RLIM: variants seen among roughly 807,000 people sequenced by gnomAD.
RLIM encodes the protein E3 ubiquitin-protein ligase RLIM.
RLIM carries 2 observed loss-of-function variants against 34.0 expected under a neutral mutation model. That is an observed-to-expected ratio of 0.06 (90% CI 0.02 to 0.19). The LOEUF is 0.19. Among genes scored for constraint, RLIM ranks in the 10% least tolerant of loss-of-function variants. The pLI is 1.00. For synonymous variants in RLIM, 169 were observed against 164.0 expected (o/e 1.03, Z -0.23); for missense variants, 286 against 479.7 (o/e 0.60, Z 3.77).
At chrX:74,605,327 T>A (rs2079678074) in intron 1 of RLIM, among the ~76,000 whole-genome samples, 3 of 112,435 alleles carry the variant, frequency 2.7e-5, no homozygotes, top group Non-Finnish European at 5.6e-5. Flanking sequence ...AATCTGCCAC[T>A]ATTGTTTACT....
At chrX:74,596,539 A>G (rs933723974) in intron 1 of RLIM, among the ~76,000 whole-genome samples, 2 of 111,845 alleles carry the variant, frequency 1.8e-5, no homozygotes, top group African/African-American at 6.5e-5. Context: ...GAGCCACCGC[A>G]CCCAGCCTCG....
intron 1 of RLIM, among the ~76,000 whole-genome samples, chrX:74,602,604 G>A (rs775741001): frequency 2.5e-3 from 277 of 111,680 alleles, no homozygotes; most frequent in South Asian, 0.013. Context: ...GGGCGTGGTG[G>A]CGCATGCCTG....
At position 74,592,439 on chromosome X, in the gene RLIM, T is replaced by C. The variant is rs2079620176; in HGVS notation, c.876A>G (p.Arg292=). 8.3e-7 allele frequency: 1 copy of C among 1,210,285 alleles called. No homozygotes were observed. Among genetic ancestry groups the C allele is most frequent in the African/African-American group, 1.7e-5 (1 of 57,222 alleles). ...SRGLFAASGT[R]NASQGAGSSD... is the part of the protein sequence containing the mutation. The stretch of plus-strand genomic sequence containing the variant: ...AAGAACCTGCTCCTTGAGAAGCATT[T>C]CTTGTTCCAGAAGCTGCAAAAAGAC... Residue 292 remains arginine (R), a synonymous_variant, in exon 4 of 4, where the codon AGA becomes AGG. Coordinates refer to ENST00000332687, the MANE Select transcript of RLIM (RefSeq NM_016120.4).
At chrX:74,596,883 A>G (rs933670270) in intron 1 of RLIM, among the ~76,000 whole-genome samples, 1 of 111,769 alleles carries the variant, frequency 8.9e-6, no homozygotes, top group African/African-American at 3.3e-5. Context: ...TCTCAAACAA[A>G]GAGAAAAGTG....
intron 2 of RLIM, 118 bp downstream of exon 2, chrX:74,595,691 C>A: frequency 2.1e-6 from 1 of 465,186 alleles, no homozygotes; most frequent in Non-Finnish European, 3.5e-6. Flanking sequence ...ATTCCATATC[C>A]CCTATGTTAA....
chrX:74,601,020 G>A (rs962976140), intron 1 of RLIM, among the ~76,000 whole-genome samples: 6 of 109,184 alleles, frequency 5.5e-5, no homozygotes, highest in South Asian at 4.0e-4. Context: ...ATGAAACTCC[G>A]TCTCAAAGGA....
intron 1 of RLIM, among the ~76,000 whole-genome samples, chrX:74,607,019 T>C (rs1157050403): frequency 2.7e-5 from 3 of 110,625 alleles, no homozygotes; most frequent in Non-Finnish European, 5.7e-5. Context: ...TCTGTGGTCC[T>C]AGCTACTTGG....
In RLIM at chrX:74,592,664, G is replaced by A. The variant is rs180780966; in HGVS notation, c.651C>T (p.Asp217=). 4.0e-5 allele frequency: 48 copies of A among 1,209,849 alleles called. No homozygotes were observed. In the Admixed American group the frequency reaches 1.0e-3, roughly 26 times the overall value. Residue 217 remains aspartate, a synonymous_variant, in exon 4 of 4, where the codon GAC becomes GAT. Transcript: ENST00000332687. ...CAGCTCTTGCTCTGGTTCTCCGATGGTCTGGGCTCCTGCTTCTTGCCCTCC... is the reference window on the plus strand; with the variant it reads ...CAGCTCTTGCTCTGGTTCTCCGATGATCTGGGCTCCTGCTTCTTGCCCTCC... The part of the protein sequence containing the change: ...GQRRARSRSP[D]HRRTRARAER...
rs2079605982 is a variant in RLIM at position 74,590,156 on chromosome X, C to A, written c.*1284G>T. On this transcript the variant is annotated 3_prime_UTR_variant, in exon 4 of 4. Transcript: ENST00000332687. ...TTTCCTATTAACACACACATGTGTA[C>A]CAACTGCAATTCATATGCTAAAAGT... 8.9e-6 allele frequency: 1 copy of A among 112,001 alleles called. No individual in the cohort carries two copies. The highest frequency in any genetic ancestry group is 3.7e-4 in the South Asian group (1 of 2,725). The allele number at this position is 112,001 out of a possible 1,213,427, so 9.2% of individuals were successfully genotyped here. A position where few individuals can be genotyped will look rare whatever the true frequency, so the allele number is the denominator to read the frequency against.
chrX:74,592,872 C>T lies in RLIM; in HGVS notation c.443G>A (p.Gly148Glu). ...SLEINVNRNN[G>E]SQNSENENEP... ...ATTTTCATTCTCTGAATTTTGGCTC[C>T]CATTATTACGGTTAACATTTATCTC... is the stretch of plus-strand genomic sequence containing the variant. Residue 148 changes from glycine (G) to glutamate (E), a missense_variant, in exon 4 of 4, where the codon GGG (glycine) becomes GAG (glutamate). Coordinates refer to ENST00000332687, the MANE Select transcript of RLIM (RefSeq NM_016120.4). 1.7e-6 allele frequency: 2 copies of T among 1,211,551 alleles called. No individual in the cohort carries two copies. The highest frequency in any genetic ancestry group is 2.2e-6 in the Non-Finnish European group (2 of 895,179).
In RLIM at chrX:74,585,519, A is replaced by G. The variant is rs919132122; in HGVS notation, c.*5921T>C. The stretch of plus-strand genomic sequence containing the variant: ...ACTTCATGCATTTTATTGATAGTCT[A>G]TATTTTAAATCTGCAGTATGACATC... On this transcript the variant is annotated 3_prime_UTR_variant, in exon 4 of 4. Transcript: ENST00000332687. The G allele has an allele frequency of 5.4e-4, 61 of 112,213 alleles. No homozygotes were observed. The highest frequency in any genetic ancestry group is 1.9e-3 in the African/African-American group (59 of 30,908). 9.2% of individuals were successfully genotyped at this position (112,213 alleles called of 1,213,427 possible).
At chrX:74,610,536 A>G (rs1179305470) in intron 1 of RLIM, among the ~76,000 whole-genome samples, 4 of 110,820 alleles carry the variant, frequency 3.6e-5, no homozygotes, top group South Asian at 3.8e-4. Context: ...TACCAACTAT[A>G]TATGTCAGGA....
At chrX:74,606,609 CAA>C (rs2079683137) in intron 1 of RLIM, among the ~76,000 whole-genome samples, 1 of 111,555 alleles carries the variant, frequency 9.0e-6, no homozygotes, top group African/African-American at 3.3e-5. Flanking sequence ...AATGTTAAGG[CAA>C]AAAGTTATTT....
rs1242204233 is a variant in RLIM, at chrX:74,600,850, T to TAA, written c.-23-4852_-23-4851dup. Among the ~76,000 whole-genome samples the TAA allele has an allele frequency of 3.8e-3, 272 of 71,195 alleles. 1 individual carries two copies. Among genetic ancestry groups the TAA allele is most frequent in the African/African-American group, 0.014 (250 of 18,018 alleles). 61.8% of individuals were successfully genotyped at this position (71,195 alleles called of 115,157 possible). On this transcript the variant is annotated intron_variant, in intron 1 of 3. Coordinates refer to ENST00000332687, the MANE Select transcript of RLIM (RefSeq NM_016120.4). ...AACATGGTGAAACCCCATCTCTACT[T>TAA]AAAAAAAAAAAAAAAAAAAAAGAGC...
At chrX:74,609,392 G>C (rs1287810312) in intron 1 of RLIM, among the ~76,000 whole-genome samples, 1 of 102,438 alleles carries the variant, frequency 9.8e-6, no homozygotes, top group Non-Finnish European at 2.0e-5. Context: ...GGAGGCTGAA[G>C]CAGGAGAATG....
intron 1 of RLIM, among the ~76,000 whole-genome samples, chrX:74,610,488 G>A (rs896672278): frequency 9.2e-6 from 1 of 109,279 alleles, no homozygotes; most frequent in Non-Finnish European, 1.9e-5. Context: ...AAACCCTTGT[G>A]TTGGAACATT....
chrX:74,588,502 A>G lies in RLIM; in HGVS notation c.*2938T>C, dbSNP rs1012209113. 2.0e-4 allele frequency: 22 copies of G among 111,828 alleles called. No homozygotes were observed. The highest frequency in any genetic ancestry group is 6.5e-4 in the African/African-American group (20 of 30,755). The allele number at this position is 111,828 out of a possible 1,213,427, so 9.2% of individuals were successfully genotyped here. ...ACAAAACAAAACAAAACAAAACAAA[A>G]AAACCTCAACTTTGTCAGCTGCTCA... On this transcript the variant is annotated 3_prime_UTR_variant, in exon 4 of 4. Transcript: ENST00000332687.
intron 1 of RLIM, among the ~76,000 whole-genome samples, chrX:74,610,617 C>T (rs578096343): frequency 1.1e-3 from 124 of 110,775 alleles, no homozygotes; most frequent in African/African-American, 4.0e-3. Context: ...ATTGGCCAGT[C>T]GCGGTGGCTC....
At chrX:74,601,635 A>G (rs757611513) in intron 1 of RLIM, among the ~76,000 whole-genome samples, 1 of 111,816 alleles carries the variant, frequency 8.9e-6, no homozygotes, top group African/African-American at 3.3e-5. Flanking sequence ...TTGGTCAGAC[A>G]TGGATATTTT....
Sources: gnomAD v4.1 joint callset for allele counts (sites outside exome capture counted in the v4.1 genomes callset) on GRCh38, gnomAD v4.1.1 for gene constraint, MANE v1.5 for transcripts, NCBI Gene and HGNC (gene_info 2026-07-23, HGNC 2026-07-21) for gene names.